Variants in NBEA observed in about 807,000 individuals in gnomAD.
NBEA encodes neurobeachin.
NBEA carries 44 observed loss-of-function variants against 343.4 expected under a neutral mutation model. The observed-to-expected ratio is 0.13, with a 90% CI of 0.10 to 0.16. The LOEUF is 0.16. Ranked by LOEUF, NBEA falls within the 10% of genes least tolerant of loss-of-function variation. The probability of loss-of-function intolerance (pLI) is 1.00; values close to 1 mark genes in which losing one functional copy is unlikely to be tolerated. For synonymous variants in NBEA, 1,175 were observed against 1,238.7 expected, an observed-to-expected ratio of 0.95 and a Z score of 1.08; for missense variants, 2,555 against 3,631.3, an observed-to-expected ratio of 0.70 and a Z score of 7.62.
chr13:35,399,752 A>G (rs1345449114), intron 38 of NBEA, among the ~76,000 whole-genome samples: 1 of 152,094 alleles, frequency 6.6e-6, no homozygotes, highest in African/African-American at 2.4e-5. Context: ...AGCTTTCAAC[A>G]TGTCTTCCTC....
At chr13:35,433,757 G>A (rs897081523) in intron 39 of NBEA, among the ~76,000 whole-genome samples, 2 of 151,950 alleles carry the variant, frequency 1.3e-5, no homozygotes, top group African/African-American at 4.8e-5. Context: ...AAGGATAATA[G>A]CCCTCTAAGG....
chr13:35,375,682 T>C (rs1160138378), intron 38 of NBEA, among the ~76,000 whole-genome samples: 1 of 152,162 alleles, frequency 6.6e-6, no homozygotes, highest in Non-Finnish European at 1.5e-5. Flanking sequence ...TTAACTTGTG[T>C]TTCTAGAAAC....
At chr13:35,297,143 T>C (rs2152822612) in intron 35 of NBEA, among the ~76,000 whole-genome samples, 1 of 152,218 alleles carries the variant, frequency 6.6e-6, no homozygotes, top group South Asian at 2.1e-4. Context: ...CATTTGTATG[T>C]ATATGTAACT....
At chr13:35,047,621 T>G (rs1322870887) in intron 4 of NBEA, among the ~76,000 whole-genome samples, 1 of 151,810 alleles carries the variant, frequency 6.6e-6, no homozygotes, top group Non-Finnish European at 1.5e-5. Context: ...TATATTTAGA[T>G]GTACTTTGGA....
chr13:35,591,827 C>A (rs2081554051), intron 46 of NBEA, among the ~76,000 whole-genome samples: 1 of 151,868 alleles, frequency 6.6e-6, no homozygotes, highest in Admixed American at 6.6e-5. Context: ...AAGGAATGAA[C>A]AGAGATTACA....
intron 44 of NBEA, among the ~76,000 whole-genome samples, chr13:35,566,422 G>T (rs997229406): frequency 6.6e-6 from 1 of 152,154 alleles, no homozygotes; most frequent in South Asian, 2.1e-4. Context: ...CTGCAGATGT[G>T]CAGGTCAGTG....
chr13:35,604,124 A>C (rs1479781476), intron 47 of NBEA, among the ~76,000 whole-genome samples: 2 of 152,152 alleles, frequency 1.3e-5, no homozygotes, highest in Non-Finnish European at 2.9e-5. Context: ...CCTGGAAATC[A>C]AACTCATGAT....
At chr13:35,193,672 T>C (rs997058804) in intron 30 of NBEA, among the ~76,000 whole-genome samples, 5 of 151,958 alleles carry the variant, frequency 3.3e-5, no homozygotes, top group African/African-American at 9.6e-5. Context: ...GACATTGTCT[T>C]GTCAAATGCA....
intron 48 of NBEA, among the ~76,000 whole-genome samples, chr13:35,608,700 G>A (rs186933659): frequency 6.6e-5 from 10 of 152,278 alleles, no homozygotes; most frequent in African/African-American, 2.2e-4. Flanking sequence ...CCTTCACTCC[G>A]GCAAGCAAAG....
chr13:35,082,682 T>G (rs192556536), intron 10 of NBEA, among the ~76,000 whole-genome samples: 24 of 152,320 alleles, frequency 1.6e-4, no homozygotes, highest in African/African-American at 5.5e-4. Context: ...TGATGAGCAT[T>G]TTTTCGTGTG....
At chr13:35,265,768 A>G (rs537825707) in intron 34 of NBEA, among the ~76,000 whole-genome samples, 55 of 151,998 alleles carry the variant, frequency 3.6e-4, no homozygotes, top group African/African-American at 1.2e-3. Flanking sequence ...AGAAGAAAAT[A>G]TAGTGAGAAA....
chr13:35,584,940 G>A (rs945678755), intron 46 of NBEA, among the ~76,000 whole-genome samples: 3 of 151,500 alleles, frequency 2.0e-5, no homozygotes, highest in Admixed American at 2.0e-4. Context: ...ACCTAGCCCT[G>A]GAGTGCATTC....
At chr13:35,554,262 AG>A (rs2079479440) in intron 43 of NBEA, among the ~76,000 whole-genome samples, 1 of 152,178 alleles carries the variant, frequency 6.6e-6, no homozygotes, top group Non-Finnish European at 1.5e-5. Context: ...GGAGATACTA[AG>A]GGTGCCATGA....
chr13:35,626,643 C>A (rs2083242892), intron 48 of NBEA, among the ~76,000 whole-genome samples: 1 of 152,136 alleles, frequency 6.6e-6, no homozygotes, highest in Admixed American at 6.6e-5. Context: ...TTGCATCAGA[C>A]ACTGAAAATA....
chr13:35,539,171 C>T (rs1310081624), intron 41 of NBEA, among the ~76,000 whole-genome samples: 5 of 152,012 alleles, frequency 3.3e-5, no homozygotes, highest in African/African-American at 1.2e-4. Flanking sequence ...CTCAGTGAGT[C>T]AATAGGTTAG....
chr13:35,569,116 T>C (rs1344355685), intron 45 of NBEA, among the ~76,000 whole-genome samples: 1 of 152,194 alleles, frequency 6.6e-6, no homozygotes, highest in East Asian at 1.9e-4. Flanking sequence ...ATCATTGATA[T>C]AGGCCATATG....
intron 1 of NBEA, among the ~76,000 whole-genome samples, chr13:35,004,816 T>C (rs2061262326): frequency 1.3e-5 from 2 of 152,268 alleles, no homozygotes; most frequent in African/African-American, 4.8e-5. Flanking sequence ...GTCTGGACAT[T>C]TGAATTTAAG....
intron 1 of NBEA, among the ~76,000 whole-genome samples, chr13:35,033,075 T>C (rs2152551061): frequency 6.6e-6 from 1 of 152,044 alleles, no homozygotes; most frequent in Non-Finnish European, 1.5e-5. Flanking sequence ...GTGAAATTTT[T>C]GCTCAGACCA....
At chr13:35,078,311 A>G (rs971082309) in intron 10 of NBEA, among the ~76,000 whole-genome samples, 1 of 152,198 alleles carries the variant, frequency 6.6e-6, no homozygotes, top group Non-Finnish European at 1.5e-5. Context: ...GTAACAAACA[A>G]CCTCAAAATC....
Sources: gnomAD v4.1 joint callset for allele counts (sites outside exome capture counted in the v4.1 genomes callset) on GRCh38, gnomAD v4.1.1 for gene constraint, MANE v1.5 for transcripts, NCBI Gene and HGNC (gene_info 2026-07-23, HGNC 2026-07-21) for gene names.